The following GDA variants were observed in gnomAD, a reference collection of about 807,000 sequenced individuals.
GDA encodes cytoplasmic PSD-95 interactor.
In GDA, 18 loss-of-function variants were observed where a neutral mutation model predicts 59.6. The observed-to-expected ratio is 0.30, with a 90% CI of 0.21 to 0.45. The LOEUF (loss-of-function observed/expected upper bound fraction) is 0.45, where lower values mean the gene tolerates loss of function less well. GDA is among the 20% of genes least tolerant of loss of function. GDA has a pLI of 1.00. For synonymous variants in GDA, 201 were observed against 201.1 expected (o/e 1.00, Z 0.00); for missense variants, 427 against 552.3 (o/e 0.77, Z 2.27).
intron 5 of GDA, among the ~76,000 whole-genome samples, chr9:72,218,035 T>A (rs1836358418): frequency 6.6e-6 from 1 of 152,096 alleles, no homozygotes; most frequent in African/African-American, 2.4e-5. Flanking sequence ...TATCTCAGCC[T>A]CCCTAGTAGC....
chr9:72,160,702 C>T (rs905990826), intron 1 of GDA, among the ~76,000 whole-genome samples: 3 of 152,174 alleles, frequency 2.0e-5, no homozygotes, highest in African/African-American at 4.8e-5. Flanking sequence ...ATTTCATGCA[C>T]ATGTTTAAAA....
At chr9:72,174,174 T>C (rs956218522) in intron 1 of GDA, among the ~76,000 whole-genome samples, 10 of 152,234 alleles carry the variant, frequency 6.6e-5, no homozygotes, top group Admixed American at 3.3e-4. Context: ...CAGCAGGTGC[T>C]CATTAGGATT....
intron 2 of GDA, among the ~76,000 whole-genome samples, chr9:72,201,482 G>A (rs17494144): frequency 0.039 from 6,001 of 152,226 alleles, 155 homozygotes; most frequent in African/African-American, 0.064. Context: ...TGACCACTGA[G>A]TCTGCCATTC....
chr9:72,216,747 C>T (rs1028541854), intron 5 of GDA, among the ~76,000 whole-genome samples: 1 of 151,742 alleles, frequency 6.6e-6, no homozygotes, highest in Non-Finnish European at 1.5e-5. Context: ...ACATTCTTGG[C>T]TCACTGCAAG....
At chr9:72,217,431 G>A (rs1587689414) in intron 5 of GDA, among the ~76,000 whole-genome samples, 1 of 152,204 alleles carries the variant, frequency 6.6e-6, no homozygotes, top group East Asian at 1.9e-4. Context: ...AAACGCCTGA[G>A]AAGCTCAAGA....
chr9:72,130,568 A>T (rs1162871383), intron 1 of GDA, among the ~76,000 whole-genome samples: 2 of 152,228 alleles, frequency 1.3e-5, no homozygotes, highest in African/African-American at 2.4e-5. Flanking sequence ...TTAGTGGCCA[A>T]ACTCCACTTC....
At chr9:72,181,842 T>C (rs1831261504) in intron 1 of GDA, among the ~76,000 whole-genome samples, 3 of 152,316 alleles carry the variant, frequency 2.0e-5, no homozygotes, top group Admixed American at 2.0e-4. Flanking sequence ...CCAAATAATA[T>C]ACTGTTTAGT....
intron 1 of GDA, among the ~76,000 whole-genome samples, chr9:72,125,321 TCCCTCCC>T: frequency 1.4e-5 from 2 of 147,004 alleles, no homozygotes; most frequent in Non-Finnish European, 3.0e-5. Context: ...CTTCCTTTAC[TCCCTCCC>T]TCCCTCCCTC....
At chr9:72,143,594 T>A (rs377657595) in intron 1 of GDA, among the ~76,000 whole-genome samples, 39 of 152,214 alleles carry the variant, frequency 2.6e-4, no homozygotes, top group Admixed American at 1.0e-3. Flanking sequence ...TCCCTGCACC[T>A]GTCTGGCATA....
chr9:72,222,055 T>C (rs1836952886), intron 6 of GDA, among the ~76,000 whole-genome samples: 1 of 152,240 alleles, frequency 6.6e-6, no homozygotes. Flanking sequence ...GAATGATTTA[T>C]TTCCTTTTGG....
intron 1 of GDA, among the ~76,000 whole-genome samples, chr9:72,133,303 A>AAT (rs1826097560): frequency 9.7e-6 from 1 of 102,618 alleles, no homozygotes; most frequent in African/African-American, 3.0e-5. Context: ...AAAAAAAAAA[A>AAT]AAAAAAATAA....
At chr9:72,257,927 GTC>G (rs1476395741), downstream of GDA, 2 of 141,176 alleles carry the variant, frequency 1.4e-5, no homozygotes, top group Non-Finnish European at 3.0e-5. Flanking sequence ...GCCAGACCTA[GTC>G]TCGAAAAAAA....
At chr9:72,151,893 G>C (rs539784471) in intron 1 of GDA, among the ~76,000 whole-genome samples, 1 of 152,112 alleles carries the variant, frequency 6.6e-6, no homozygotes, top group East Asian at 1.9e-4. Flanking sequence ...GTGAGCCACC[G>C]CGCCGGCCAA....
At chr9:72,123,387 G>A (rs1825735793) in intron 1 of GDA, among the ~76,000 whole-genome samples, 1 of 150,312 alleles carries the variant, frequency 6.7e-6, no homozygotes, top group Non-Finnish European at 1.5e-5. Flanking sequence ...GTTTCACCGT[G>A]TTAGCCAGGA....
chr9:72,221,006 GATAGGAAATC>G (rs1564108903), intron 6 of GDA, among the ~76,000 whole-genome samples: 2 of 152,194 alleles, frequency 1.3e-5, no homozygotes, highest in African/African-American at 2.4e-5. Flanking sequence ...TTTGGGGCCT[GATAGGAAATC>G]ATAAGAAATC....
chr9:72,170,310 T>G (rs780631139), intron 1 of GDA, among the ~76,000 whole-genome samples: 5 of 152,200 alleles, frequency 3.3e-5, no homozygotes, highest in Non-Finnish European at 5.9e-5. Flanking sequence ...CTCCCAGTTC[T>G]ATATAAAAGA....
At chr9:72,258,314 A>T (rs921669865), downstream of GDA, among the ~76,000 whole-genome samples, 1 of 151,382 alleles carries the variant, frequency 6.6e-6, no homozygotes, top group African/African-American at 2.4e-5. Flanking sequence ...CCCTGCCTCA[A>T]AAAGAAAAAA....
downstream of GDA, among the ~76,000 whole-genome samples, chr9:72,258,470 C>T (rs538226434): frequency 2.6e-5 from 4 of 152,214 alleles, no homozygotes; most frequent in East Asian, 5.8e-4. Context: ...ATGAGCTGGA[C>T]GGGACAGGGC....
In GDA at chr9:72,248,685, T is replaced by C; in HGVS notation, c.*343T>C. 3 of 1,030,828 alleles carry C rather than the reference T, an allele frequency of 2.9e-6. No individual in the cohort carries two copies. Among genetic ancestry groups the C allele is most frequent in the Non-Finnish European group, 3.5e-6 (3 of 857,832 alleles). 63.9% of individuals were successfully genotyped at this position (1,030,828 alleles called of 1,614,324 possible). Reference sequence around the variant, plus strand: ...TTTGAAAATGTGGAAAGAAAAGATGTTCCTAAAAGGTTAGATATTTTGAGC... The same window carrying C: ...TTTGAAAATGTGGAAAGAAAAGATGCTCCTAAAAGGTTAGATATTTTGAGC... On this transcript the variant is annotated 3_prime_UTR_variant, in exon 14 of 14. Coordinates refer to ENST00000358399, the MANE Select transcript of GDA (RefSeq NM_004293.5).
Sources: gnomAD v4.1 joint callset for allele counts (sites outside exome capture counted in the v4.1 genomes callset) on GRCh38, gnomAD v4.1.1 for gene constraint, MANE v1.5 for transcripts, NCBI Gene and HGNC (gene_info 2026-07-23, HGNC 2026-07-21) for gene names.